The following STOM variants were observed in gnomAD, a reference collection of about 807,000 sequenced individuals.
The protein encoded by STOM is erythrocyte band 7 integral membrane protein.
STOM carries 25 observed loss-of-function variants against 30.6 expected under a neutral mutation model. That is an observed-to-expected ratio of 0.82 (90% CI 0.60 to 1.14). The LOEUF is 1.14. Ranked by LOEUF, STOM falls within the 50% of genes most tolerant of loss-of-function variation. STOM has a pLI of 0.00. For missense variants in STOM, 292 were observed against 365.2 expected (o/e 0.80, Z 1.63); for synonymous variants, 118 against 130.8 (o/e 0.90, Z 0.67).
Position 121,370,250 on chromosome 9 carries a change from C to T in STOM, c.-63G>A. On this transcript the variant is annotated 5_prime_UTR_variant, in exon 1 of 7. Coordinates refer to ENST00000286713, the MANE Select transcript of STOM (RefSeq NM_004099.6). ...GCCAAACCCGGAGCCGCCGGGAATGCCCTGAGGAGCCAGAGGCACAAGACC... is the reference window on the plus strand; with the variant it reads ...GCCAAACCCGGAGCCGCCGGGAATGTCCTGAGGAGCCAGAGGCACAAGACC... 1.3e-6 allele frequency: 2 copies of T among 1,501,452 alleles called. No homozygotes were observed. Among genetic ancestry groups the T allele is most frequent in the Middle Eastern group, 1.8e-4 (1 of 5,556 alleles). The allele number at this position is 1,501,452 out of a possible 1,614,324, so 93.0% of individuals were successfully genotyped here. A position where few individuals can be genotyped will look rare whatever the true frequency, so the allele number is the denominator to read the frequency against.
At chr9:121,347,572 G>T (rs958181591) in intron 6 of STOM, among the ~76,000 whole-genome samples, 2 of 152,136 alleles carry the variant, frequency 1.3e-5, no homozygotes, top group African/African-American at 4.8e-5. Context: ...AGTAAGAGAT[G>T]GGTGGTATGG....
chr9:121,363,698 G>C (rs748322446), intron 1 of STOM, among the ~76,000 whole-genome samples: 4 of 152,140 alleles, frequency 2.6e-5, no homozygotes, highest in Non-Finnish European at 5.9e-5. Flanking sequence ...GGGACATACA[G>C]AAACAGAGTC....
chr9:121,354,700 T>C (rs760241586), intron 2 of STOM, 27 bp from the exon 3 acceptor site: 3 of 1,539,604 alleles, frequency 1.9e-6, no homozygotes, highest in Non-Finnish European at 2.7e-6. Context: ...AATAATAATT[T>C]AACATGAAGA....
chr9:121,357,600 C>T (rs2064407321), intron 1 of STOM, among the ~76,000 whole-genome samples: 2 of 151,570 alleles, frequency 1.3e-5, no homozygotes, highest in African/African-American at 4.8e-5. Context: ...CCACCACACC[C>T]GGCTACTTTT....
chr9:121,359,689 T>A (rs2064431605), intron 1 of STOM, among the ~76,000 whole-genome samples: 1 of 152,122 alleles, frequency 6.6e-6, no homozygotes. Flanking sequence ...TAAAGCAACA[T>A]TTAACTTTCC....
chr9:121,366,206 T>C, intron 1 of STOM: 3 of 985,412 alleles, frequency 3.0e-6, no homozygotes, highest in Non-Finnish European at 3.6e-6. Flanking sequence ...TCAAGGATAA[T>C]CTTCTGAAAT....
intron 3 of STOM, 120 bp from the exon 4 acceptor site, chr9:121,353,422 A>C: frequency 2.0e-6 from 1 of 511,198 alleles, no homozygotes; most frequent in Non-Finnish European, 3.4e-6. Context: ...TTCGTGAATG[A>C]GCCAGAAGCC....
At chr9:121,361,380 CTTTTTTTTT>C (rs5900482) in intron 1 of STOM, among the ~76,000 whole-genome samples, 3 of 41,082 alleles carry the variant, frequency 7.3e-5, no homozygotes, top group Admixed American at 3.3e-4. Flanking sequence ...CACTTGTGGA[CTTTTTTTTT>C]TTTTTTTTTT....
intron 6 of STOM, among the ~76,000 whole-genome samples, chr9:121,342,170 G>T (rs1199520789): frequency 6.6e-6 from 1 of 152,120 alleles, no homozygotes; most frequent in Non-Finnish European, 1.5e-5. Context: ...AGGAGTTCGA[G>T]ACCAGCCTGG....
At chr9:121,368,430 T>C (rs1159054156) in intron 1 of STOM, among the ~76,000 whole-genome samples, 1 of 152,214 alleles carries the variant, frequency 6.6e-6, no homozygotes, top group Non-Finnish European at 1.5e-5. Flanking sequence ...CACCTTTTTA[T>C]CTAGGAAAAG....
intron 2 of STOM, among the ~76,000 whole-genome samples, chr9:121,355,616 A>G (rs2064381335): frequency 2.0e-5 from 3 of 152,220 alleles, no homozygotes; most frequent in South Asian, 2.1e-4. Flanking sequence ...AGGCATTGTG[A>G]TAAGTACATT....
At position 121,356,088 on chromosome 9, in the gene STOM, T is replaced by C; in HGVS notation, c.130A>G (p.Ile44Val). The change falls in exon 2 of 7, where the codon ATA becomes GTA. Residue 44 changes from isoleucine (I) to valine (V), a missense_variant. Ile to Val is a conservative substitution (Grantham distance 29). Transcript: ENST00000286713. The part of the protein sequence containing the change: ...LVAFSFLFTV[I>V]TFPISIWMCI... ...ATCCATATTGAGATTGGGAAAGTTA[T>C]AACGGTGAATAAGAATGAGAACGCC... 1 of 1,614,148 alleles carries C rather than the reference T, an allele frequency of 6.2e-7. No individual in the cohort carries two copies. Among genetic ancestry groups the C allele is most frequent in the Non-Finnish European group, 8.5e-7 (1 of 1,180,020 alleles).
At chr9:121,341,556 A>G (rs1426947642) in intron 6 of STOM, 148 bp from the exon 7 acceptor site, 1 of 1,039,434 alleles carries the variant, frequency 9.6e-7, no homozygotes, top group Non-Finnish European at 1.4e-6. Flanking sequence ...CAATTTCTAC[A>G]TACTCAGTTT....
intron 6 of STOM, among the ~76,000 whole-genome samples, chr9:121,343,818 CA>C (rs1006443422): frequency 1.3e-5 from 2 of 152,094 alleles, no homozygotes; most frequent in African/African-American, 4.8e-5. Context: ...TGATTTTAAG[CA>C]GGTAAGTAAA....
rs5900482 is a variant in STOM, at chr9:121,361,380, C to CT, written c.62-5225dup. Among the ~76,000 whole-genome samples, 96 of 41,100 alleles carry CT rather than the reference C, an allele frequency of 2.3e-3. 5 individuals are homozygous for CT. The highest frequency in any genetic ancestry group is 6.4e-3 in the African/African-American group (75 of 11,724). 27.0% of individuals were successfully genotyped at this position (41,100 alleles called of 152,430 possible). Reference sequence around the variant, plus strand: ...ATATTTTGGTTAATACACTTGTGGACTTTTTTTTTTTTTTTTTTTTTTTTT... The same window carrying CT: ...ATATTTTGGTTAATACACTTGTGGACTTTTTTTTTTTTTTTTTTTTTTTTTT... On this transcript the variant is annotated intron_variant, in intron 1 of 6. Coordinates refer to ENST00000286713, the MANE Select transcript of STOM (RefSeq NM_004099.6).
intron 1 of STOM, 54 bp downstream of exon 1, chr9:121,370,073 C>T: frequency 6.7e-7 from 1 of 1,482,260 alleles, no homozygotes; most frequent in Non-Finnish European, 9.1e-7. Flanking sequence ...TCGGAGCGCA[C>T]GCTGCGGGCG....
Position 121,356,132 on chromosome 9 carries a change from G to A in STOM, c.86C>T (p.Pro29Leu), listed in dbSNP as rs2064388073. 4 of 1,613,976 alleles carry A rather than the reference G, an allele frequency of 2.5e-6. No individual in the cohort carries two copies. Among genetic ancestry groups the A allele is most frequent in the African/African-American group, 1.3e-5 (1 of 74,916 alleles). The change falls in exon 2 of 7, where the codon CCT (proline) becomes CTT (leucine). Residue 29 changes from proline (P) to leucine (L), a missense_variant. By Grantham distance (98) the Pro-to-Leu change is moderately conservative (BLOSUM62 -3). Coordinates refer to ENST00000286713, the MANE Select transcript of STOM (RefSeq NM_004099.6). ...FKDSPSKGLG[P>L]CGWILVAFSF... is the part of the protein sequence containing the mutation. The stretch of plus-strand genomic sequence containing the variant: ...GAACGCCACCAAAATCCATCCGCAA[G>A]GTCCAAGGCCCTTACTGGGGCTGTC...
intron 1 of STOM, among the ~76,000 whole-genome samples, chr9:121,360,517 G>A (rs943845071): frequency 2.0e-5 from 3 of 152,094 alleles, no homozygotes; most frequent in Admixed American, 2.0e-4. Flanking sequence ...TATTAGGCTG[G>A]CCTTGTAGAA....
At chr9:121,360,557 G>A (rs1284226721) in intron 1 of STOM, among the ~76,000 whole-genome samples, 1 of 152,290 alleles carries the variant, frequency 6.6e-6, no homozygotes. Context: ...AAATGTAGAT[G>A]ATAGTTTTCT....
Sources: gnomAD v4.1 joint callset for allele counts (sites outside exome capture counted in the v4.1 genomes callset) on GRCh38, gnomAD v4.1.1 for gene constraint, MANE v1.5 for transcripts, NCBI Gene and HGNC (gene_info 2026-07-23, HGNC 2026-07-21) for gene names.